Variants in NT5C2 observed in about 807,000 individuals in gnomAD.
The protein encoded by NT5C2 is 5'-nucleotidase, cytosolic II.
Under a neutral mutation model 76.1 loss-of-function variants are expected in NT5C2, and 58 were observed. The observed-to-expected ratio is 0.76, with a 90% CI of 0.62 to 0.95. The LOEUF is 0.95. Among genes scored for constraint, NT5C2 ranks in the 40% least tolerant of loss-of-function variants. NT5C2 has a pLI of 0.00. For missense variants in NT5C2, 478 were observed against 690.3 expected (o/e 0.69, Z 3.45); for synonymous variants, 229 against 237.4 (o/e 0.96, Z 0.32).
intron 4 of NT5C2, among the ~76,000 whole-genome samples, chr10:103,115,460 A>T (rs1303265020): frequency 6.6e-6 from 1 of 152,210 alleles, no homozygotes; most frequent in African/African-American, 2.4e-5. Context: ...CATCTTAATA[A>T]CTTCACTGAT....
At chr10:103,092,496 T>A (rs188913704) in intron 15 of NT5C2, among the ~76,000 whole-genome samples, 1 of 152,260 alleles carries the variant, frequency 6.6e-6, no homozygotes, top group African/African-American at 2.4e-5. Flanking sequence ...TTTCAAGTTA[T>A]GGAGCCAGGG....
At position 103,089,562 on chromosome 10, in the gene NT5C2, T is replaced by TC; in HGVS notation, c.*109dup. ...TTCAGAAACTTTTCAGACGTACCTTTCATGGAGCCCCCTCCCTCCCCCGAG... is the reference window on the plus strand; with the variant it reads ...TTCAGAAACTTTTCAGACGTACCTTTCCATGGAGCCCCCTCCCTCCCCCGAG... On this transcript the variant is annotated 3_prime_UTR_variant, in exon 19 of 19. Coordinates refer to ENST00000404739, the MANE Select transcript of NT5C2 (RefSeq NM_001351169.2). 1 of 1,424,018 alleles carries TC rather than the reference T, an allele frequency of 7.0e-7. No individual in the cohort carries two copies. Among genetic ancestry groups the TC allele is most frequent in the Non-Finnish European group, 9.2e-7 (1 of 1,087,014 alleles). 88.2% of individuals were successfully genotyped at this position (1,424,018 alleles called of 1,614,324 possible).
intron 4 of NT5C2, among the ~76,000 whole-genome samples, chr10:103,137,471 T>C (rs2079515427): frequency 6.6e-6 from 1 of 152,356 alleles, no homozygotes; most frequent in East Asian, 1.9e-4. Context: ...ACCGTATCTA[T>C]GTAGCAAGTA....
At chr10:103,100,780 T>G in intron 8 of NT5C2, 1 of 607,388 alleles carries the variant, frequency 1.6e-6, no homozygotes, top group Non-Finnish European at 3.1e-6. Context: ...AATTAGCACC[T>G]CTGCTGGCCG....
Position 103,126,609 on chromosome 10 carries a change from G to A in NT5C2, c.175+12797C>T, listed in dbSNP as rs570748238. Among the ~76,000 whole-genome samples the A allele has an allele frequency of 3.9e-5, 6 of 152,244 alleles. No homozygotes were observed. The South Asian group carries it at 8.3e-4, about 21-fold the overall frequency. ...TGCACTGCAGCCTGGGTGACAGAGC[G>A]AGACTCCGTCTAAAAAACTAAAAAA... On this transcript the variant is annotated intron_variant, in intron 4 of 18. Transcript: ENST00000404739.
At position 103,106,697 on chromosome 10, in the gene NT5C2, G is replaced by A; in HGVS notation, c.185C>T (p.Ser62Phe). 6.3e-7 allele frequency: 1 copy of A among 1,597,884 alleles called. No individual in the cohort carries two copies. The highest frequency in any genetic ancestry group is 8.6e-7 in the Non-Finnish European group (1 of 1,165,306). Residue 62 changes from serine to phenylalanine, a missense_variant, in exon 5 of 19, where the codon TCC becomes TTC. Physicochemically the swap from Ser to Phe is radical, Grantham distance 155. Coordinates refer to ENST00000404739, the MANE Select transcript of NT5C2 (RefSeq NM_001351169.2). ...AAAACCAAGGGACTCATACTCTGGG[G>A]ACTTGTACACTGCACAAAGAGGAGG... ...DMDYTLAVYK[S>F]PEYESLGFEL...
intron 1 of NT5C2, among the ~76,000 whole-genome samples, chr10:103,192,995 A>T (rs1402017093): frequency 4.6e-5 from 7 of 151,048 alleles, no homozygotes; most frequent in Admixed American, 2.0e-4. Context: ...GGCGCGGAGG[A>T]AGGGGCTGCC....
intron 1 of NT5C2, among the ~76,000 whole-genome samples, 151 bp downstream of exon 1, chr10:103,193,085 A>C (rs1212340595): frequency 7.9e-6 from 1 of 126,198 alleles, no homozygotes; most frequent in Non-Finnish European, 1.7e-5. Flanking sequence ...GCCTAAGGAG[A>C]GGGGCCTTGG....
chr10:103,097,952 A>G (rs1179544452), intron 10 of NT5C2: 1 of 481,598 alleles, frequency 2.1e-6, no homozygotes, highest in South Asian at 1.6e-5. Flanking sequence ...CCTTCACTCA[A>G]ATTCTCCCGG....
chr10:103,097,113 T>C (rs2068399898), intron 11 of NT5C2, among the ~76,000 whole-genome samples, 178 bp downstream of exon 11: 1 of 152,154 alleles, frequency 6.6e-6, no homozygotes, highest in African/African-American at 2.4e-5. Context: ...TAAAATAAAT[T>C]TCTAGAAAAA....
chr10:103,191,979 G>A (rs528932170), intron 1 of NT5C2, among the ~76,000 whole-genome samples: 342 of 149,448 alleles, frequency 2.3e-3, no homozygotes, highest in African/African-American at 7.4e-3. Flanking sequence ...TCCACTCTCA[G>A]CTCACACCTA....
At chr10:103,160,739 G>A (rs780058042) in intron 3 of NT5C2, among the ~76,000 whole-genome samples, 3 of 152,188 alleles carry the variant, frequency 2.0e-5, no homozygotes, top group Non-Finnish European at 2.9e-5. Flanking sequence ...GCAGGGCCAG[G>A]CACGGTGGCT....
rs1419090736 is a variant in NT5C2, at chr10:103,090,689, A to G, written c.1371T>C (p.Tyr457=). ...QTLFASQVMR[Y]ADLYAASFIN... is the part of the protein sequence containing the mutation. ...TGAAAGATGCTGCATAGAGGTCAGC[A>G]TAACGCATCACTTGACTGGCAAAAA... Residue 457 remains tyrosine, a synonymous_variant, in exon 18 of 19, where the codon TAT becomes TAC. Coordinates refer to ENST00000404739, the MANE Select transcript of NT5C2 (RefSeq NM_001351169.2). 2 of 1,614,242 alleles carry G rather than the reference A, an allele frequency of 1.2e-6. No individual in the cohort carries two copies. The highest frequency in any genetic ancestry group is 4.5e-5 in the East Asian group (2 of 44,886).
intron 3 of NT5C2, among the ~76,000 whole-genome samples, chr10:103,172,153 T>C (rs2088261239): frequency 1.3e-5 from 2 of 151,998 alleles, no homozygotes; most frequent in East Asian, 1.9e-4. Flanking sequence ...GAGGTTGCAG[T>C]GAGCTGAGAC....
chr10:103,096,365 GT>G (rs2068176793), intron 11 of NT5C2, among the ~76,000 whole-genome samples: 2 of 152,320 alleles, frequency 1.3e-5, no homozygotes, highest in South Asian at 4.1e-4. Context: ...AACGGTTTAT[GT>G]AAGACTGTTT....
At chr10:103,155,236 C>T (rs531049949) in intron 3 of NT5C2, among the ~76,000 whole-genome samples, 5 of 152,256 alleles carry the variant, frequency 3.3e-5, no homozygotes, top group East Asian at 1.9e-4. Flanking sequence ...ATTAGAGATA[C>T]GCACAACAGA....
chr10:103,159,884 G>C (rs1023832138), intron 3 of NT5C2, among the ~76,000 whole-genome samples: 1 of 152,022 alleles, frequency 6.6e-6, no homozygotes. Flanking sequence ...AATCCAGCTG[G>C]CTTTTTTATA....
intron 3 of NT5C2, chr10:103,153,710 A>T: frequency 3.0e-6 from 3 of 985,412 alleles, no homozygotes; most frequent in Non-Finnish European, 1.2e-6. Context: ...TCACAGAATC[A>T]AGCAGCCCTG....
At chr10:103,146,789 C>A (rs2133468630) in intron 3 of NT5C2, among the ~76,000 whole-genome samples, 1 of 152,322 alleles carries the variant, frequency 6.6e-6, no homozygotes, top group Non-Finnish European at 1.5e-5. Flanking sequence ...ACAGTGCTAA[C>A]AACATGTCCA....
Sources: gnomAD v4.1 joint callset for allele counts (sites outside exome capture counted in the v4.1 genomes callset) on GRCh38, gnomAD v4.1.1 for gene constraint, MANE v1.5 for transcripts, NCBI Gene and HGNC (gene_info 2026-07-23, HGNC 2026-07-21) for gene names.